LAMB4: variants seen among roughly 807,000 people sequenced by gnomAD.
LAMB4 encodes laminin subunit beta-4.
A neutral mutation model predicts 199.2 loss-of-function variants in LAMB4; 196 were observed. That is an observed-to-expected ratio of 0.98 (90% confidence interval 0.88 to 1.11). The LOEUF (loss-of-function observed/expected upper bound fraction) is 1.11. Among genes scored for constraint, LAMB4 ranks in the 50% least tolerant of loss-of-function variants. The probability of loss-of-function intolerance (pLI) is 0.00; values close to 1 mark genes in which losing one functional copy is unlikely to be tolerated. For missense variants in LAMB4, 2,080 were observed against 2,171.2 expected (o/e 0.96, Z 0.83); for synonymous variants, 744 against 770.6 (o/e 0.97, Z 0.57).
intron 26 of LAMB4, among the ~76,000 whole-genome samples, chr7:108,049,844 G>C (rs1004366271): frequency 6.6e-6 from 1 of 152,138 alleles, no homozygotes; most frequent in Non-Finnish European, 1.5e-5. Flanking sequence ...TTCTTCCTCT[G>C]TAAATTGGTG....
downstream of LAMB4, among the ~76,000 whole-genome samples, chr7:108,022,387 G>T (rs1449640250): frequency 3.3e-5 from 5 of 152,144 alleles, no homozygotes; most frequent in African/African-American, 4.8e-5. Flanking sequence ...TAACATACAG[G>T]TTCCACAGTG....
At chr7:108,015,748 CTTT>C in the LAMB4 span, among the ~76,000 whole-genome samples, 1,930 of 123,446 alleles carry the variant, frequency 0.016, 37 homozygotes, top group African/African-American at 0.036. Flanking sequence ...GTTTTGAAGA[CTTT>C]TTTTTTTTTT....
chr7:108,059,185 G>A (rs1424839500), intron 23 of LAMB4, among the ~76,000 whole-genome samples: 6 of 136,842 alleles, frequency 4.4e-5, no homozygotes, highest in African/African-American at 1.6e-4. Flanking sequence ...CACTCACTAC[G>A]AGCTCCACCT....
At chr7:108,034,459 T>C (rs1056071831) in intron 30 of LAMB4, 113 bp from the exon 31 acceptor site, 41 of 779,938 alleles carry the variant, frequency 5.3e-5, no homozygotes, top group Non-Finnish European at 7.6e-5. Context: ...ATTAAGTAAA[T>C]TTAAATTACT....
chr7:108,099,404 A>G (rs1336958448), intron 10 of LAMB4, among the ~76,000 whole-genome samples: 1 of 152,250 alleles, frequency 6.6e-6, no homozygotes, highest in Non-Finnish European at 1.5e-5. Context: ...GGGTAGAACC[A>G]GGAGAGAGTA....
rs1584585686 is a variant in LAMB4 at position 108,030,815 on chromosome 7, A to T, written c.4983T>A (p.Ser1661Arg). The change falls in exon 32 of 34, where the codon AGT becomes AGA. Residue 1661 changes from serine (S) to arginine (R), a missense_variant. Ser to Arg is a moderately radical substitution (Grantham distance 110, BLOSUM62 -1). Transcript: ENST00000388781. ...TGGTAGAACTAATGACCTTCTCAAG[A>T]CTCCCAGCCTGGTGTTGGGCAGATT... ...QAESAQHQAG[S>R]LEKEFVELKK... is the part of the protein sequence containing the mutation. 1 of 1,613,848 alleles carries T rather than the reference A, an allele frequency of 6.2e-7. No homozygotes were observed. The highest frequency in any genetic ancestry group is 1.7e-4 in the Middle Eastern group (1 of 6,060).
chr7:108,079,786 C>T lies in LAMB4; in HGVS notation c.1702G>A (p.Gly568Ser), dbSNP rs1563073331. 6.4e-7 allele frequency: 1 copy of T among 1,568,418 alleles called. No individual in the cohort carries two copies. Among genetic ancestry groups the T allele is most frequent in the Non-Finnish European group, 8.6e-7 (1 of 1,160,154 alleles). ...ATTLQGLAPLGSETFGQSPAV... is the reference protein window; with the variant it reads ...ATTLQGLAPLSSETFGQSPAV... Reference sequence around the variant, plus strand: ...GGACTCTGGCCAAACGTCTCCGAGCCCTAAAATGGGAGAGGAATGTAAATA... The same window carrying T: ...GGACTCTGGCCAAACGTCTCCGAGCTCTAAAATGGGAGAGGAATGTAAATA... Residue 568 changes from glycine (G) to serine (S), a missense_variant and splice_region_variant, in exon 15 of 34, where the codon GGC (glycine) becomes AGC (serine). By Grantham distance (56) the Gly-to-Ser change is moderately conservative. Transcript: ENST00000388781.
At chr7:108,090,278 T>C (rs2037347326) in intron 14 of LAMB4, among the ~76,000 whole-genome samples, 1 of 152,234 alleles carries the variant, frequency 6.6e-6, no homozygotes, top group African/African-American at 2.4e-5. Context: ...TCTACTACAA[T>C]TAAAGATCAT....
At chr7:108,049,290 C>A in intron 27 of LAMB4, 36 bp downstream of exon 27, 1 of 1,182,840 alleles carries the variant, frequency 8.5e-7, no homozygotes, top group African/African-American at 1.6e-5. Flanking sequence ...AAGTAAAAAC[C>A]ACAAATGCTT....
chr7:108,080,852 G>T lies in LAMB4; in HGVS notation c.1702-1066C>A, dbSNP rs190890205. Among the ~76,000 whole-genome samples the T allele has an allele frequency of 5.5e-3, 829 of 152,026 alleles. 10 individuals are homozygous for T. The highest frequency in any genetic ancestry group is 0.019 in the African/African-American group (793 of 41,480). On this transcript the variant is annotated intron_variant, in intron 14 of 33. Transcript: ENST00000388781. ...AAAAACCCCTTGTAAGGCTGGGTGC[G>T]GTGGCTCAGGCCTGTAATCCCAGCA...
chr7:108,123,261 A>G, intron 1 of LAMB4, 64 bp from the exon 2 acceptor site: 3 of 987,610 alleles, frequency 3.0e-6, no homozygotes, highest in Non-Finnish European at 4.7e-6. Context: ...ATCACATGTT[A>G]TGTAAAAGTG....
rs757674118 is a variant in LAMB4, at chr7:108,024,077, C to T, written c.5248G>A (p.Val1750Ile). ...DQVVAIKNEI[V>I]EQEKKYARCY... The stretch of plus-strand genomic sequence containing the variant: ...CTAGCATATTTTTTTTCTTGTTCAA[C>T]AATTTCATTTTTAATGGCAACAACT... The change falls in exon 34 of 34, where the codon GTT becomes ATT. Residue 1750 changes from valine to isoleucine, a missense_variant. By Grantham distance (29) the Val-to-Ile change is conservative. Transcript: ENST00000388781. 1.9e-6 allele frequency: 3 copies of T among 1,608,300 alleles called. No individual in the cohort carries two copies. The highest frequency in any genetic ancestry group is 2.5e-6 in the Non-Finnish European group (3 of 1,177,584).
intron 25 of LAMB4, among the ~76,000 whole-genome samples, chr7:108,054,099 TGCA>T (rs2035907997): frequency 6.6e-6 from 1 of 152,212 alleles, no homozygotes. Context: ...CATAGTTCAC[TGCA>T]GCCTTGAACT....
chr7:108,026,270 C>T (rs750930839), intron 33 of LAMB4, among the ~76,000 whole-genome samples: 4 of 152,220 alleles, frequency 2.6e-5, no homozygotes, highest in Non-Finnish European at 4.4e-5. Flanking sequence ...CCTACCCCCA[C>T]GCCCCCGAAT....
At chr7:108,098,736 A>G (rs448833) in intron 10 of LAMB4, among the ~76,000 whole-genome samples, 154 bp from the exon 11 acceptor site, 52,813 of 152,166 alleles carry the variant, frequency 0.35, 9,646 homozygotes, top group Non-Finnish European at 0.4. Flanking sequence ...CTATTCAGAA[A>G]TGTCTCCCAG....
At chr7:108,115,333 A>G (rs1463475845) in intron 3 of LAMB4, among the ~76,000 whole-genome samples, 4 of 152,232 alleles carry the variant, frequency 2.6e-5, no homozygotes, top group African/African-American at 9.6e-5. Flanking sequence ...TGTGGATTCA[A>G]CCAACCAAGG....
At chr7:108,088,404 C>A (rs1466130021) in intron 14 of LAMB4, among the ~76,000 whole-genome samples, 1 of 152,102 alleles carries the variant, frequency 6.6e-6, no homozygotes, top group African/African-American at 2.4e-5. Context: ...CCTCAGGTGA[C>A]CTGCTCGCCT....
chr7:108,085,509 A>G (rs745333431), intron 14 of LAMB4, among the ~76,000 whole-genome samples: 1 of 152,264 alleles, frequency 6.6e-6, no homozygotes, highest in Non-Finnish European at 1.5e-5. Context: ...GAGAAAGACC[A>G]TGAAAGAAAG....
At chr7:108,072,499 A>C (rs1252250056) in intron 17 of LAMB4, among the ~76,000 whole-genome samples, 1 of 152,196 alleles carries the variant, frequency 6.6e-6, no homozygotes, top group Admixed American at 6.5e-5. Context: ...AATATTAGAA[A>C]ATATTTGTAA....
Sources: gnomAD v4.1 joint callset for allele counts (sites outside exome capture counted in the v4.1 genomes callset) on GRCh38, gnomAD v4.1.1 for gene constraint, MANE v1.5 for transcripts, NCBI Gene and HGNC (gene_info 2026-07-23, HGNC 2026-07-21) for gene names.